Variants in GALNTL6 observed in about 807,000 individuals in gnomAD.
GALNTL6 encodes polypeptide N-acetylgalactosaminyltransferase like 6, also known as polypeptide N-acetylgalactosaminyltransferase-like 6.
GALNTL6 carries 46 observed loss-of-function variants against 73.7 expected under a neutral mutation model. The ratio of observed to expected loss-of-function variants is 0.62; its 90% CI spans 0.49 to 0.80. GALNTL6 has a LOEUF of 0.80. Among genes scored for constraint, GALNTL6 ranks in the 30% least tolerant of loss-of-function variants. The pLI, the probability that GALNTL6 is intolerant of heterozygous loss-of-function variation, is 0.00. For missense variants in GALNTL6, 604 were observed against 755.0 expected (o/e 0.80, Z 2.34); for synonymous variants, 259 against 263.7 (o/e 0.98, Z 0.17).
At chr4:172,716,460 G>C (rs1735099866) in intron 5 of GALNTL6, among the ~76,000 whole-genome samples, 1 of 151,470 alleles carries the variant, frequency 6.6e-6, no homozygotes, top group African/African-American at 2.4e-5. Context: ...CTTGATGAAA[G>C]CTCATTATCT....
chr4:172,733,979 T>G lies in GALNTL6; in HGVS notation c.554-75382T>G, dbSNP rs541462508. On this transcript the variant is annotated intron_variant, in intron 5 of 12. Coordinates refer to ENST00000506823, the MANE Select transcript of GALNTL6 (RefSeq NM_001034845.3). ...CAGGAAGATGTGGGAAGTTTGGAAC[T>G]TCCTAGAGACTTGTTGAATAGCTTT... 5.3e-5 allele frequency among the ~76,000 whole-genome samples: 8 copies of G among 152,270 alleles called. 1 individual carries two copies. The South Asian group carries it at 1.7e-3, about 32-fold the overall frequency.
intron 5 of GALNTL6, among the ~76,000 whole-genome samples, chr4:172,442,605 T>G (rs932771244): frequency 2.0e-5 from 3 of 152,182 alleles, no homozygotes; most frequent in African/African-American, 7.2e-5. Context: ...ACAAGAAAAT[T>G]AAATGCTCTA....
chr4:172,853,606 C>T (rs1487118862), intron 7 of GALNTL6, among the ~76,000 whole-genome samples: 1 of 152,176 alleles, frequency 6.6e-6, no homozygotes, highest in Non-Finnish European at 1.5e-5. Flanking sequence ...GAGGCCTTAA[C>T]TCTTCCCCAA....
intron 10 of GALNTL6, among the ~76,000 whole-genome samples, chr4:172,953,225 C>A (rs1453264295): frequency 6.6e-6 from 1 of 152,212 alleles, no homozygotes; most frequent in Non-Finnish European, 1.5e-5. Flanking sequence ...ATAGAAAAGA[C>A]TATTGCACTG....
At chr4:172,922,186 A>G (rs1207710974) in intron 8 of GALNTL6, among the ~76,000 whole-genome samples, 4 of 152,184 alleles carry the variant, frequency 2.6e-5, no homozygotes, top group Non-Finnish European at 5.9e-5. Flanking sequence ...ACCTCCCGCC[A>G]TGATTCTGAG....
At position 172,706,684 on chromosome 4, in the gene GALNTL6, C is replaced by A. The variant is rs144447158; in HGVS notation, c.554-102677C>A. 1.7e-3 allele frequency among the ~76,000 whole-genome samples: 254 copies of A among 152,222 alleles called. 1 individual carries two copies. The highest frequency in any genetic ancestry group is 5.4e-3 in the African/African-American group (224 of 41,546). ...AGGTGGTTTCCTAAGCCCAGATTTG[C>A]CATAACTCTTGAAAAAGTTCAGAAT... On this transcript the variant is annotated intron_variant, in intron 5 of 12. Coordinates refer to ENST00000506823, the MANE Select transcript of GALNTL6 (RefSeq NM_001034845.3).
At chr4:172,645,051 T>TA (rs1287948574) in intron 5 of GALNTL6, among the ~76,000 whole-genome samples, 1 of 152,062 alleles carries the variant, frequency 6.6e-6, no homozygotes, top group African/African-American at 2.4e-5. Context: ...TTTCTGTTTT[T>TA]ATCTCATTGA....
chr4:172,417,427 T>A (rs1166746222), intron 5 of GALNTL6, among the ~76,000 whole-genome samples: 1 of 152,056 alleles, frequency 6.6e-6, no homozygotes, highest in Non-Finnish European at 1.5e-5. Flanking sequence ...GGATAGATGA[T>A]GCTTCTTCCT....
At chr4:172,229,590 T>C (rs550673904) in intron 2 of GALNTL6, 66 bp from the exon 3 acceptor site, 27 of 878,858 alleles carry the variant, frequency 3.1e-5, no homozygotes, top group Non-Finnish European at 4.9e-5. Context: ...TGTGCCCGGC[T>C]GTGTTTACCT....
At chr4:171,945,027 T>G (rs1738661307) in intron 2 of GALNTL6, among the ~76,000 whole-genome samples, 1 of 152,042 alleles carries the variant, frequency 6.6e-6, no homozygotes, top group Non-Finnish European at 1.5e-5. Context: ...GAATCAAAAG[T>G]CATACCTAGG....
At chr4:172,157,145 T>C (rs1173597199) in intron 2 of GALNTL6, among the ~76,000 whole-genome samples, 1 of 152,184 alleles carries the variant, frequency 6.6e-6, no homozygotes, top group Admixed American at 6.5e-5. Flanking sequence ...CATTGCATAT[T>C]CCAGCAATTG....
At chr4:171,845,501 T>C (rs943386493) in intron 2 of GALNTL6, among the ~76,000 whole-genome samples, 1 of 152,236 alleles carries the variant, frequency 6.6e-6, no homozygotes, top group African/African-American at 2.4e-5. Flanking sequence ...TAGGATTTCA[T>C]AGTCTAACTC....
chr4:173,007,514 TA>T (rs1170169788), intron 10 of GALNTL6, among the ~76,000 whole-genome samples: 4 of 152,126 alleles, frequency 2.6e-5, no homozygotes, highest in African/African-American at 7.2e-5. Flanking sequence ...AGCAGGAAGA[TA>T]TGATGGAAGG....
intron 2 of GALNTL6, among the ~76,000 whole-genome samples, chr4:171,848,527 T>G (rs1735434999): frequency 6.6e-6 from 1 of 152,206 alleles, no homozygotes; most frequent in Non-Finnish European, 1.5e-5. Flanking sequence ...TAAGGCTGTT[T>G]TGTCTATCTT....
At chr4:172,528,210 T>C (rs1735026541) in intron 5 of GALNTL6, among the ~76,000 whole-genome samples, 1 of 150,918 alleles carries the variant, frequency 6.6e-6, no homozygotes, top group Admixed American at 6.6e-5. Context: ...AAAATTGAAT[T>C]TGAACTTGCT....
intron 5 of GALNTL6, among the ~76,000 whole-genome samples, chr4:172,658,765 A>C (rs193226088): frequency 2.2e-4 from 33 of 152,332 alleles, no homozygotes; most frequent in Non-Finnish European, 4.4e-4. Context: ...TCTGAAAATC[A>C]TGTTGGTAAT....
At chr4:172,815,719 T>C (rs907373174) in intron 7 of GALNTL6, among the ~76,000 whole-genome samples, 2 of 152,226 alleles carry the variant, frequency 1.3e-5, no homozygotes, top group African/African-American at 2.4e-5. Flanking sequence ...GCTGGCAGAA[T>C]TGGTAACTTT....
chr4:172,874,950 G>A (rs1745115829), intron 7 of GALNTL6, among the ~76,000 whole-genome samples: 1 of 152,200 alleles, frequency 6.6e-6, no homozygotes, highest in South Asian at 2.1e-4. Flanking sequence ...CCACTCCAGG[G>A]GACTAGCAGC....
chr4:172,802,391 T>C (rs1335945486), intron 5 of GALNTL6, among the ~76,000 whole-genome samples: 4 of 152,106 alleles, frequency 2.6e-5, no homozygotes, highest in Admixed American at 2.6e-4. Flanking sequence ...AGGACCTGTT[T>C]AGGATTAAAC....
Sources: gnomAD v4.1 joint callset for allele counts (sites outside exome capture counted in the v4.1 genomes callset) on GRCh38, gnomAD v4.1.1 for gene constraint, MANE v1.5 for transcripts, NCBI Gene and HGNC (gene_info 2026-07-23, HGNC 2026-07-21) for gene names.